Variants in MFHAS1 observed in about 807,000 individuals in gnomAD.
MFHAS1 encodes malignant fibrous histiocytoma-amplified sequence 1.
MFHAS1 carries 50 observed loss-of-function variants against 70.4 expected under a neutral mutation model. The observed-to-expected ratio is 0.71, with a 90% CI of 0.57 to 0.90. The LOEUF is 0.90. Ranked by LOEUF, MFHAS1 falls within the 40% of genes least tolerant of loss-of-function variation. The pLI is 0.00. For synonymous variants in MFHAS1, 952 were observed against 620.0 expected, an observed-to-expected ratio of 1.54 and a Z score of -7.96; for missense variants, 1,795 against 1,347.6, an observed-to-expected ratio of 1.33 and a Z score of -5.20.
chr8:8,822,401 G>T (rs1028893439), intron 1 of MFHAS1, among the ~76,000 whole-genome samples: 5 of 152,130 alleles, frequency 3.3e-5, no homozygotes, highest in Non-Finnish European at 7.4e-5. Flanking sequence ...TGGGGGCAGG[G>T]GATGGAGCGG....
In MFHAS1 at chr8:8,866,894, G is replaced by A. The variant is rs569757649; in HGVS notation, c.2998+23167C>T. Among the ~76,000 whole-genome samples the A allele has an allele frequency of 2.0e-5, 3 of 152,286 alleles. No homozygotes were observed. The South Asian group carries it at 6.2e-4, about 32-fold the overall frequency. ...TGAATCAGGAAAGAACCGTGTACTT[G>A]CATAATTAGCCTTCTTTAGAGAATG... On this transcript the variant is annotated intron_variant, in intron 1 of 2. Coordinates refer to ENST00000276282, the MANE Select transcript of MFHAS1 (RefSeq NM_004225.3).
chr8:8,792,162 A>G (rs1016118490), intron 2 of MFHAS1, among the ~76,000 whole-genome samples: 3 of 151,278 alleles, frequency 2.0e-5, no homozygotes, highest in African/African-American at 7.3e-5. Flanking sequence ...ATTTGAACCC[A>G]GGGGGCAGAG....
At position 8,891,478 on chromosome 8, in the gene MFHAS1, C is replaced by A. The variant is rs138267533; in HGVS notation, c.1581G>T (p.Val527=). ...CCACGATGCACACCACCGCGTGGGG[C>A]ACTCTCGCCCCGACCCGATGCAAGA... ...GSFLHRVGAR[V]PHAVVCIVGT... Residue 527 remains valine (V), a synonymous_variant, in exon 1 of 3, where the codon GTG becomes GTT. Coordinates refer to ENST00000276282, the MANE Select transcript of MFHAS1 (RefSeq NM_004225.3). The surrounding 1 kb of genome is among the most constrained non-coding windows in gnomAD (Gnocchi z 5.4). 1 of 1,613,010 alleles carries A rather than the reference C, an allele frequency of 6.2e-7. No homozygotes were observed. The highest frequency in any genetic ancestry group is 8.5e-7 in the Non-Finnish European group (1 of 1,180,016).
At chr8:8,841,343 C>T (rs910373334) in intron 1 of MFHAS1, among the ~76,000 whole-genome samples, 16 of 151,970 alleles carry the variant, frequency 1.1e-4, no homozygotes, top group South Asian at 2.1e-4. Context: ...GGCGTGGTGG[C>T]GCACGCCTGT....
chr8:8,792,390 C>T (rs11997763), intron 2 of MFHAS1, among the ~76,000 whole-genome samples: 47,384 of 151,958 alleles, frequency 0.31, 8,438 homozygotes, highest in African/African-American at 0.47. Context: ...TATCTGAGGT[C>T]GGGAGTTCAA....
rs923709663 is a variant in MFHAS1 at position 8,873,618 on chromosome 8, C to T, written c.2998+16443G>A. Among the ~76,000 whole-genome samples, 57 of 151,848 alleles carry T rather than the reference C, an allele frequency of 3.8e-4. 1 individual carries two copies. The highest frequency in any genetic ancestry group is 3.7e-4 in the Non-Finnish European group (25 of 67,976). ...CCCACTTGGTATGAGGATAAAACAT[C>T]CAAGAAACATTTCCTGTGCAGAACA... On this transcript the variant is annotated intron_variant, in intron 1 of 2. Coordinates refer to ENST00000276282, the MANE Select transcript of MFHAS1 (RefSeq NM_004225.3).
intron 1 of MFHAS1, among the ~76,000 whole-genome samples, chr8:8,884,692 T>C (rs1281414612): frequency 6.6e-6 from 1 of 152,164 alleles, no homozygotes; most frequent in East Asian, 1.9e-4. Flanking sequence ...AGGCAGGGCA[T>C]GGTGGCTCAA....
rs557434494 is a variant in MFHAS1 at position 8,801,362 on chromosome 8, G to C, written c.2999-3871C>G. On this transcript the variant is annotated intron_variant, in intron 1 of 2. Transcript: ENST00000276282. ...ATCTCTAGCAGGACTGCCATCCATG[G>C]AAACAGAGCACGAAGGTGGAAGGCA... 5.3e-5 allele frequency among the ~76,000 whole-genome samples: 8 copies of C among 152,318 alleles called. No individual in the cohort carries two copies. The South Asian group carries it at 1.7e-3, about 32-fold the overall frequency.
intron 2 of MFHAS1, among the ~76,000 whole-genome samples, chr8:8,786,669 T>C (rs1267783110): frequency 2.7e-5 from 4 of 150,646 alleles, no homozygotes; most frequent in African/African-American, 9.7e-5. Context: ...TTTGCTTCCC[T>C]ACAATGACAT....
chr8:8,839,085 G>T (rs1405410388), intron 1 of MFHAS1, among the ~76,000 whole-genome samples: 3 of 151,692 alleles, frequency 2.0e-5, no homozygotes, highest in Admixed American at 6.6e-5. Context: ...AAATTTATGA[G>T]AACAATAAAC....
At chr8:8,889,141 C>G (rs1160221809) in intron 1 of MFHAS1, among the ~76,000 whole-genome samples, 1 of 152,052 alleles carries the variant, frequency 6.6e-6, no homozygotes, top group Non-Finnish European at 1.5e-5. Flanking sequence ...AAACACTCTC[C>G]AGAAAACTCT....
At chr8:8,830,063 C>T (rs1353905106) in intron 1 of MFHAS1, among the ~76,000 whole-genome samples, 1 of 152,126 alleles carries the variant, frequency 6.6e-6, no homozygotes, top group East Asian at 1.9e-4. Context: ...GCTGCTAGTC[C>T]AGGGACCACA....
At chr8:8,872,418 C>G (rs1186417353) in intron 1 of MFHAS1, among the ~76,000 whole-genome samples, 1 of 152,160 alleles carries the variant, frequency 6.6e-6, no homozygotes, top group Non-Finnish European at 1.5e-5. Context: ...AACCTTGCAG[C>G]TTCCTTCATG....
intron 1 of MFHAS1, among the ~76,000 whole-genome samples, chr8:8,839,388 A>G (rs528003869): frequency 6.6e-6 from 1 of 152,342 alleles, no homozygotes; most frequent in Admixed American, 6.5e-5. Context: ...AGTGTTATAT[A>G]TTTGAAAGCT....
intron 1 of MFHAS1, among the ~76,000 whole-genome samples, chr8:8,873,656 G>A (rs1053612341): frequency 1.3e-5 from 2 of 152,066 alleles, no homozygotes; most frequent in African/African-American, 4.8e-5. Context: ...CCAAGCTTAG[G>A]TGTAGAAAAT....
In MFHAS1 at chr8:8,892,096, A is replaced by T. The variant is rs979167145; in HGVS notation, c.963T>A (p.Leu321=). The T allele has an allele frequency of 3.7e-6, 6 of 1,613,244 alleles. No homozygotes were observed. The highest frequency in any genetic ancestry group is 1.7e-5 in the Admixed American group (1 of 60,002). Residue 321 remains leucine, a synonymous_variant, in exon 1 of 3, where the codon CTT becomes CTA. Coordinates refer to ENST00000276282, the MANE Select transcript of MFHAS1 (RefSeq NM_004225.3). This position sits in a 1 kb window ranked among gnomAD's most constrained non-coding sequence, Gnocchi z 4.7. ...GGTTATTATCCAGCCACAAGGTGAG[A>T]AGCCGGCCCAGGCCCGAGATAAGGG... The part of the protein sequence containing the change: ...VPSLISGLGR[L]LTLWLDNNRI...
At chr8:8,863,413 T>G (rs1226966817) in intron 1 of MFHAS1, among the ~76,000 whole-genome samples, 1 of 152,216 alleles carries the variant, frequency 6.6e-6, no homozygotes, top group African/African-American at 2.4e-5. Context: ...CACATGCCAG[T>G]GGGACTTCAA....
At chr8:8,843,748 T>C (rs1807928163) in intron 1 of MFHAS1, among the ~76,000 whole-genome samples, 2 of 152,208 alleles carry the variant, frequency 1.3e-5, no homozygotes, top group Admixed American at 1.3e-4. Context: ...ACCCTGCACC[T>C]GCTCCCATAA....
chr8:8,866,506 TG>T (rs1277193602), intron 1 of MFHAS1, among the ~76,000 whole-genome samples: 1 of 151,884 alleles, frequency 6.6e-6, no homozygotes, highest in East Asian at 1.9e-4. Context: ...TTTGTAGAAA[TG>T]GGGTTTTGCC....
Sources: gnomAD v4.1 joint callset for allele counts (sites outside exome capture counted in the v4.1 genomes callset) on GRCh38, gnomAD v4.1.1 for gene constraint, Gnocchi (gnomAD v3.1) non-coding constraint, MANE v1.5 for transcripts, NCBI Gene and HGNC (gene_info 2026-07-23, HGNC 2026-07-21) for gene names.